PRC1: variants seen among roughly 807,000 people sequenced by gnomAD.
The protein encoded by PRC1 is protein regulator of cytokinesis 1, also known as anaphase spindle elongation 1 homolog.
A neutral mutation model predicts 91.2 loss-of-function variants in PRC1; 54 were observed. The observed-to-expected ratio is 0.59, with a 90% CI of 0.48 to 0.74. PRC1 has a LOEUF of 0.74. PRC1 is among the 30% of genes least tolerant of loss of function. The pLI is 0.00. For missense variants in PRC1, 727 were observed against 746.2 expected, an observed-to-expected ratio of 0.97 and a Z score of 0.30; for synonymous variants, 275 against 263.6, an observed-to-expected ratio of 1.04 and a Z score of -0.42.
At chr15:90,967,739 G>A in intron 14 of PRC1, 2 of 751,726 alleles carry the variant, frequency 2.7e-6, no homozygotes, top group Non-Finnish European at 3.2e-6. Flanking sequence ...AGGTGTGTAG[G>A]CTGTTCTGTC....
chr15:90,968,064 A>T, intron 14 of PRC1: 1 of 985,432 alleles, frequency 1.0e-6, no homozygotes, highest in Non-Finnish European at 1.2e-6. Context: ...AGGTTAGTTT[A>T]CCGGCTTTGG....
In PRC1 at chr15:90,979,598, G is replaced by A. The variant is rs190586286; in HGVS notation, c.971-304C>T. Among the ~76,000 whole-genome samples, 15 of 152,288 alleles carry A rather than the reference G, an allele frequency of 9.8e-5. No individual in the cohort carries two copies. The South Asian group carries it at 1.0e-3, about 11-fold the overall frequency. The stretch of plus-strand genomic sequence containing the variant: ...ATATTCTGCTTTTCTGTCTTGCCCA[G>A]CCAGTAGAGGGGTGGATCACAGAAA... On this transcript the variant is annotated intron_variant, in intron 7 of 14. Coordinates refer to ENST00000394249, the MANE Select transcript of PRC1 (RefSeq NM_003981.4).
chr15:90,978,861 C>T (rs758413903), intron 8 of PRC1, among the ~76,000 whole-genome samples: 3 of 151,820 alleles, frequency 2.0e-5, no homozygotes, highest in African/African-American at 7.3e-5. Context: ...CGCCCTGAGC[C>T]GGAGAAGCCT....
chr15:90,966,972 A>G lies in PRC1; in HGVS notation c.*159T>C, dbSNP rs1032940724. ...CCACTAAACCTATGATGGGCTTTCA[A>G]CTGTAACACTCATTCACATCTTTAA... is the stretch of plus-strand genomic sequence containing the variant. On this transcript the variant is annotated 3_prime_UTR_variant, in exon 15 of 15. Coordinates refer to ENST00000394249, the MANE Select transcript of PRC1 (RefSeq NM_003981.4). 1.0e-4 allele frequency: 66 copies of G among 654,618 alleles called. No individual in the cohort carries two copies. In the Admixed American group the frequency reaches 1.6e-3, roughly 16 times the overall value. The allele number at this position is 654,618 out of a possible 1,614,324, so 40.6% of individuals were successfully genotyped here. A position where few individuals can be genotyped will look rare whatever the true frequency, so the allele number is the denominator to read the frequency against.
intron 12 of PRC1, among the ~76,000 whole-genome samples, 196 bp downstream of exon 12, chr15:90,970,206 CAG>C (rs1441834093): frequency 2.0e-5 from 3 of 152,252 alleles, no homozygotes; most frequent in African/African-American, 7.2e-5. Flanking sequence ...CAGTGGGGCT[CAG>C]AGTGACTGTT....
intron 1 of PRC1, among the ~76,000 whole-genome samples, chr15:90,990,814 T>G (rs2039936399): frequency 6.6e-6 from 1 of 151,998 alleles, no homozygotes. Flanking sequence ...AGTCTCAGTC[T>G]GGCACCCAGG....
Position 90,974,547 on chromosome 15 carries a change from T to C in PRC1, c.1350+38A>G. 1 of 1,613,204 alleles carries C rather than the reference T, an allele frequency of 6.2e-7. No individual in the cohort carries two copies. ...ACTATGGGCTGCTCAGATTACTTTCTTCGTCTTTTCCCAATTTGCGTTCAC... is the reference window on the plus strand; with the variant it reads ...ACTATGGGCTGCTCAGATTACTTTCCTCGTCTTTTCCCAATTTGCGTTCAC... On this transcript the variant is annotated intron_variant, in intron 10 of 14. Transcript: ENST00000394249. This position sits in a 1 kb window ranked among gnomAD's most constrained non-coding sequence, Gnocchi z 4.6.
At chr15:90,983,668 G>C (rs1002711137) in intron 3 of PRC1, 1 of 160,846 alleles carries the variant, frequency 6.2e-6, no homozygotes, top group Admixed American at 6.4e-5. Context: ...AGTTACTTTT[G>C]TTCCTGTTTT....
intron 1 of PRC1, among the ~76,000 whole-genome samples, chr15:90,988,789 C>A (rs182161878): frequency 6.6e-6 from 1 of 152,236 alleles, no homozygotes; most frequent in East Asian, 1.9e-4. Context: ...TTTTACCACA[C>A]CCTAACTCAC....
intron 8 of PRC1, among the ~76,000 whole-genome samples, chr15:90,978,778 A>AAAAAAAAAT (rs2038950397): frequency 6.7e-6 from 1 of 149,384 alleles, no homozygotes; most frequent in African/African-American, 2.4e-5. Context: ...AAAAAAAAAA[A>AAAAAAAAAT]GTGCCATCAG....
intron 1 of PRC1, among the ~76,000 whole-genome samples, chr15:90,990,789 C>CT (rs1447068416): frequency 6.8e-6 from 1 of 147,714 alleles, no homozygotes; most frequent in Non-Finnish European, 1.5e-5. Context: ...TTTTTTTTTT[C>CT]TTTTTTTGAG....
In PRC1 at chr15:90,974,398, C is replaced by T. The variant is rs1188849325; in HGVS notation, c.1351-152G>A. 8.2e-6 allele frequency: 9 copies of T among 1,101,220 alleles called. No homozygotes were observed. Among genetic ancestry groups the T allele is most frequent in the African/African-American group, 3.2e-5 (2 of 62,410 alleles). The allele number at this position is 1,101,220 out of a possible 1,614,324, so 68.2% of individuals were successfully genotyped here. ...TCCCCGTTCCACAAGCCCCGGTCCCCGGCTCCCCGTTCCACAAGCCCCGGT... is the reference window on the plus strand; with the variant it reads ...TCCCCGTTCCACAAGCCCCGGTCCCTGGCTCCCCGTTCCACAAGCCCCGGT... On this transcript the variant is annotated intron_variant, in intron 10 of 14. Transcript: ENST00000394249. The surrounding 1 kb of genome is among the most constrained non-coding windows in gnomAD (Gnocchi z 4.6).
intron 3 of PRC1, 23 bp from the exon 4 acceptor site, chr15:90,982,004 G>A (rs1411932251): frequency 1.3e-6 from 2 of 1,593,020 alleles, no homozygotes; most frequent in Non-Finnish European, 1.7e-6. Context: ...ACGTACCACT[G>A]TTATAAGATT....
chr15:90,969,264 C>A, intron 13 of PRC1, 144 bp from the exon 14 acceptor site: 1 of 1,207,578 alleles, frequency 8.3e-7, no homozygotes, highest in South Asian at 1.4e-5. Context: ...CTGCTGCCAA[C>A]TTCCTTCCTA....
intron 9 of PRC1, among the ~76,000 whole-genome samples, chr15:90,975,368 C>A (rs1021253945): frequency 6.6e-6 from 1 of 152,152 alleles, no homozygotes; most frequent in East Asian, 1.9e-4. Flanking sequence ...AGGAGTGAGA[C>A]ACCACGCCCG....
intron 14 of PRC1, chr15:90,967,765 C>G (rs1471389713): frequency 3.2e-5 from 29 of 900,516 alleles, no homozygotes; most frequent in Admixed American, 6.2e-5. Flanking sequence ...CTGTTAAGTA[C>G]ACTCTGATAT....
At chr15:90,967,484 C>CCTG in intron 14 of PRC1, 4 of 419,770 alleles carry the variant, frequency 9.5e-6, no homozygotes, top group Admixed American at 3.9e-5. Flanking sequence ...CAGTCATGCA[C>CCTG]TGCATAATGA....
At chr15:90,989,278 C>G (rs1290881032) in intron 1 of PRC1, among the ~76,000 whole-genome samples, 1 of 152,024 alleles carries the variant, frequency 6.6e-6, no homozygotes, top group Non-Finnish European at 1.5e-5. Context: ...GAGACAGGGC[C>G]TCACTGTCAC....
intron 1 of PRC1, among the ~76,000 whole-genome samples, chr15:90,993,901 A>T (rs2040131130): frequency 6.8e-6 from 1 of 147,836 alleles, no homozygotes; most frequent in African/African-American, 2.6e-5. Context: ...TGGCCAACAT[A>T]GACCGCGTTT....
Sources: allele counts gnomAD v4.1 joint callset (sites outside exome capture counted in the v4.1 genomes callset), GRCh38; gene constraint gnomAD v4.1.1; non-coding constraint Gnocchi (gnomAD v3.1); transcripts MANE v1.5; gene names NCBI Gene and HGNC (gene_info 2026-07-23, HGNC 2026-07-21).